The following WDR90 variants were observed in gnomAD, a reference collection of about 807,000 sequenced individuals.
WDR90 encodes the protein WD repeat domain 90, also known as WD repeat-containing protein 90.
In WDR90, 238 loss-of-function variants were observed where a neutral mutation model predicts 195.2. That is an observed-to-expected ratio of 1.22 (90% CI 1.10 to 1.36). WDR90 has a LOEUF of 1.36. Ranked by LOEUF, WDR90 falls within the 40% of genes most tolerant of loss-of-function variation. The pLI is 0.00. For synonymous variants in WDR90, 1,265 were observed against 1,052.4 expected, an observed-to-expected ratio of 1.20 and a Z score of -3.91; for missense variants, 2,734 against 2,439.5, an observed-to-expected ratio of 1.12 and a Z score of -2.54.
At chr16:653,239 C>T (rs1567215038) in intron 10 of WDR90, 102 bp from the exon 11 acceptor site, 1 of 987,792 alleles carries the variant, frequency 1.0e-6, no homozygotes, top group Non-Finnish European at 1.4e-6. Flanking sequence ...AGGCCTGCCA[C>T]CCCCTCTCCC....
intron 5 of WDR90, 100 bp from the exon 6 acceptor site, chr16:650,895 G>A: frequency 6.7e-7 from 1 of 1,499,918 alleles, no homozygotes; most frequent in East Asian, 2.3e-5. Flanking sequence ...CTGGGGTGGG[G>A]CGGTGGCTGG....
rs778503481 is a variant in WDR90, at chr16:657,839, G to T, written c.2551G>T (p.Val851Leu). Residue 851 changes from valine (V) to leucine (L), a missense_variant, in exon 21 of 41, where the codon GTG (valine) becomes TTG (leucine). By Grantham distance (32) the Val-to-Leu change is conservative (BLOSUM62 1). Transcript: ENST00000293879. The stretch of plus-strand genomic sequence containing the variant: ...CAGGGATGGCCGCCTGCTGGCCTTT[G>T]TGGGACCCTCCAGGTGCACAGTGAC... ...VSRDGRLLAF[V>L]GPSRCTVTVM... 6 of 1,585,514 alleles carry T rather than the reference G, an allele frequency of 3.8e-6. No homozygotes were observed. The highest frequency in any genetic ancestry group is 3.4e-6 in the Non-Finnish European group (4 of 1,166,614).
At chr16:664,571 T>G (rs11864792) in intron 34 of WDR90, among the ~76,000 whole-genome samples, 2 of 152,218 alleles carry the variant, frequency 1.3e-5, no homozygotes, top group Non-Finnish European at 2.9e-5. Context: ...TGGGCGGTTC[T>G]GCCTGGGCCT....
chr16:665,406 G>A lies in WDR90; in HGVS notation c.4312-273G>A. On this transcript the variant is annotated intron_variant, in intron 34 of 40. Coordinates refer to ENST00000293879, the MANE Select transcript of WDR90 (RefSeq NM_145294.5). ...GCTAGGGATGCACGGCCACGCTCCT[G>A]TCTTTGAGGTGCTGTCAGAACAGCT... 3 of 592,084 alleles carry A rather than the reference G, an allele frequency of 5.1e-6. No homozygotes were observed. The South Asian group carries it at 6.1e-5, about 12-fold the overall frequency. 36.7% of individuals were successfully genotyped at this position (592,084 alleles called of 1,614,324 possible). A position where few individuals can be genotyped will look rare whatever the true frequency, so the allele number is the denominator to read the frequency against.
At chr16:659,996 T>C (rs971137944) in intron 26 of WDR90, 62 bp from the exon 27 acceptor site, 62 of 1,247,032 alleles carry the variant, frequency 5.0e-5, no homozygotes, top group African/African-American at 7.5e-5. Context: ...CTGCGTGTAG[T>C]GTGGGGTCTC....
intron 27 of WDR90, 85 bp downstream of exon 27, chr16:660,246 G>C (rs954749991): frequency 8.7e-6 from 11 of 1,258,874 alleles, no homozygotes; most frequent in Non-Finnish European, 1.2e-5. Context: ...CCTCAGGGTT[G>C]CTTTTGGTCG....
intron 34 of WDR90, among the ~76,000 whole-genome samples, chr16:663,750 G>C (rs2037965571): frequency 6.6e-6 from 1 of 152,206 alleles, no homozygotes; most frequent in South Asian, 2.1e-4. Context: ...GGTTGGGACA[G>C]CCACCGTGTC....
At chr16:662,651 C>G in intron 33 of WDR90, 28 bp from the exon 34 acceptor site, 1 of 1,520,786 alleles carries the variant, frequency 6.6e-7, no homozygotes, top group Non-Finnish European at 8.8e-7. Context: ...ACCCATTGTT[C>G]TCTCCTTCCC....
rs116715633 is a variant in WDR90, at chr16:653,830, G to A, written c.1437+27G>A. On this transcript the variant is annotated intron_variant, in intron 13 of 40. Transcript: ENST00000293879. ...TAACAGGGCCCTGGCTGCGGGTTGG[G>A]GTGGGGCTGTCCTGATGCACGCAGA... 1,287 of 1,612,464 alleles carry A rather than the reference G, an allele frequency of 8.0e-4. 11 individuals are homozygous for A. In the African/African-American group the frequency reaches 0.015, roughly 19 times the overall value.
chr16:662,760 C>T lies in WDR90; in HGVS notation c.4227C>T (p.Val1409=), dbSNP rs527828843. The T allele has an allele frequency of 1.2e-5, 20 of 1,607,122 alleles. No individual in the cohort carries two copies. The highest frequency in any genetic ancestry group is 1.2e-4 in the African/African-American group (9 of 74,984). Residue 1409 remains valine (V), a synonymous_variant, in exon 34 of 41, where the codon GTC becomes GTT. Transcript: ENST00000293879. ...ASFDDSVDMG[V]VGTTAGTLWF... ...TCGATGACAGCGTGGACATGGGCGT[C>T]GTGGGCACCACGGCGGGCACGCTGT...
chr16:659,599 C>T (rs541608075), intron 26 of WDR90, among the ~76,000 whole-genome samples: 73 of 152,274 alleles, frequency 4.8e-4, no homozygotes, highest in African/African-American at 1.7e-3. Flanking sequence ...CTTTTCCTCT[C>T]CCCCTTGGCC....
In WDR90 at chr16:658,230, G is replaced by A. The variant is rs1415145516; in HGVS notation, c.2652G>A (p.Leu884=). ...IGTLDLASSR[L]DSAMAVCFGP... is the part of the protein sequence containing the mutation. Reference sequence around the variant, plus strand: ...CTCTGGACCTGGCCAGCAGCCGCCTGGACTCAGCCATGGCTGTGTGCTTTG... The same window carrying A: ...CTCTGGACCTGGCCAGCAGCCGCCTAGACTCAGCCATGGCTGTGTGCTTTG... The change falls in exon 22 of 41, where the codon CTG becomes CTA. Residue 884 remains leucine (L), a synonymous_variant. Transcript: ENST00000293879. 2 of 1,612,524 alleles carry A rather than the reference G, an allele frequency of 1.2e-6. No homozygotes were observed. Among genetic ancestry groups the A allele is most frequent in the Non-Finnish European group, 1.7e-6 (2 of 1,179,854 alleles).
At position 649,368 on chromosome 16, in the gene WDR90, C is replaced by A; in HGVS notation, c.-49C>A. 7.5e-7 allele frequency: 1 copy of A among 1,330,454 alleles called. No homozygotes were observed. Among genetic ancestry groups the A allele is most frequent in the Non-Finnish European group, 9.6e-7 (1 of 1,042,288 alleles). 82.4% of individuals were successfully genotyped at this position (1,330,454 alleles called of 1,614,324 possible). A position where few individuals can be genotyped will look rare whatever the true frequency, so the allele number is the denominator to read the frequency against. On this transcript the variant is annotated 5_prime_UTR_variant, in exon 1 of 41. In the 5' UTR this introduces an upstream ATG that the reference lacks. Transcript: ENST00000293879. ...GTTGCCTGGCGTCGCGGGGCGTACT[C>A]TGCGCTGGGCGCGCGGAGGCCTAGG...
In WDR90 at chr16:660,664, T is replaced by C. The variant is rs1416419109; in HGVS notation, c.3341T>C (p.Val1114Ala). The C allele has an allele frequency of 3.8e-6, 6 of 1,582,878 alleles. No homozygotes were observed. The highest frequency in any genetic ancestry group is 1.2e-5 in the South Asian group (1 of 86,680). ...GGGTGGCTGCGTCTGAAGGCTGTCG[T>C]CGGTTACAGCGGGAATGGGCGGGCC... ...SGGWLRLKAVVGYSGNGRANM... is the reference protein window; with the variant it reads ...SGGWLRLKAVAGYSGNGRANM... The change falls in exon 28 of 41, where the codon GTC (valine) becomes GCC (alanine). Residue 1114 changes from valine (V) to alanine (A), a missense_variant. Coordinates refer to ENST00000293879, the MANE Select transcript of WDR90 (RefSeq NM_145294.5).
rs760544980 is a variant in WDR90 at position 666,063 on chromosome 16, C to T, written c.4548C>T (p.Ala1516=). Reference sequence around the variant, plus strand: ...GCATCTTCAGCGTCTCCCGCACGGCCATGGAGCTCAAGATGCACCCCCACC... The same window carrying T: ...GCATCTTCAGCGTCTCCCGCACGGCTATGGAGCTCAAGATGCACCCCCACC... The part of the protein sequence containing the change: ...SLRIFSVSRT[A]MELKMHPHPV... Residue 1516 remains alanine, a synonymous_variant, in exon 36 of 41, where the codon GCC becomes GCT. Coordinates refer to ENST00000293879, the MANE Select transcript of WDR90 (RefSeq NM_145294.5). 6.2e-7 allele frequency: 1 copy of T among 1,608,618 alleles called. No individual in the cohort carries two copies. The highest frequency in any genetic ancestry group is 1.1e-5 in the South Asian group (1 of 91,076).
Position 654,775 on chromosome 16 carries a change from G to A in WDR90, c.1438-254G>A, listed in dbSNP as rs752441271. On this transcript the variant is annotated intron_variant, in intron 13 of 40. Coordinates refer to ENST00000293879, the MANE Select transcript of WDR90 (RefSeq NM_145294.5). Reference sequence around the variant, plus strand: ...ACGAGCTGCTTTTTATCCACCTTCCGGCTTGCGGGGGGGTTTGTACTTCTC... The same window carrying A: ...ACGAGCTGCTTTTTATCCACCTTCCAGCTTGCGGGGGGGTTTGTACTTCTC... 4.6e-5 allele frequency: 24 copies of A among 523,744 alleles called. No homozygotes were observed. The East Asian group carries it at 5.1e-4, about 11-fold the overall frequency. 32.4% of individuals were successfully genotyped at this position (523,744 alleles called of 1,614,324 possible).
In WDR90 at chr16:655,563, C is replaced by T; in HGVS notation, c.1719-10C>T. 1.9e-6 allele frequency: 3 copies of T among 1,580,494 alleles called. No individual in the cohort carries two copies. Among genetic ancestry groups the T allele is most frequent in the East Asian group, 2.2e-5 (1 of 44,448 alleles). On this transcript the variant is annotated splice_polypyrimidine_tract_variant and intron_variant, in intron 15 of 40. Transcript: ENST00000293879. ...GAGGGCCTCACCTTCCCTGCCGCCTCCTCGGGCAGCTTCGTGTGCAGCCGC... is the reference window on the plus strand; with the variant it reads ...GAGGGCCTCACCTTCCCTGCCGCCTTCTCGGGCAGCTTCGTGTGCAGCCGC...
At chr16:658,021 C>A (rs1008515865) in intron 21 of WDR90, 129 bp downstream of exon 21, 1 of 1,456,756 alleles carries the variant, frequency 6.9e-7, no homozygotes, top group Admixed American at 2.5e-5. Context: ...GCAGAGTACA[C>A]ATCAGCCATG....
chr16:662,409 G>GC, intron 33 of WDR90, 78 bp downstream of exon 33: 1 of 1,502,210 alleles, frequency 6.7e-7, no homozygotes, highest in Non-Finnish European at 8.9e-7. Context: ...CCAGTGCCCC[G>GC]CCCCCGCAAA....
Sources: gnomAD v4.1 joint callset for allele counts (sites outside exome capture counted in the v4.1 genomes callset) on GRCh38, gnomAD v4.1.1 for gene constraint, MANE v1.5 for transcripts, NCBI Gene and HGNC (gene_info 2026-07-23, HGNC 2026-07-21) for gene names.